Variants in RTN1 observed in about 807,000 individuals in gnomAD.
RTN1 encodes the protein reticulon 1.
In RTN1, 25 loss-of-function variants were observed where a neutral mutation model predicts 65.5. That is an observed-to-expected ratio of 0.38 (90% CI 0.28 to 0.53). The LOEUF is 0.53. Ranked by LOEUF, RTN1 falls within the 20% of genes least tolerant of loss-of-function variation. The pLI, the probability that RTN1 is intolerant of heterozygous loss-of-function variation, is 0.79. For missense variants in RTN1, 983 were observed against 1,025.4 expected (o/e 0.96, Z 0.57); for synonymous variants, 471 against 447.6 (o/e 1.05, Z -0.66).
intron 3 of RTN1, among the ~76,000 whole-genome samples, chr14:59,722,004 G>A (rs1047985175): frequency 2.0e-5 from 3 of 152,170 alleles, no homozygotes; most frequent in African/African-American, 7.2e-5. Flanking sequence ...AGATAAGAAA[G>A]ATATTCATAT....
intron 3 of RTN1, among the ~76,000 whole-genome samples, chr14:59,632,504 C>G (rs1473403229): frequency 1.3e-5 from 2 of 152,154 alleles, no homozygotes; most frequent in Non-Finnish European, 2.9e-5. Flanking sequence ...GCTGCCCTGG[C>G]TGCTTTTCAG....
chr14:59,809,332 T>C (rs1236147536), intron 1 of RTN1, among the ~76,000 whole-genome samples: 1 of 152,094 alleles, frequency 6.6e-6, no homozygotes, highest in Non-Finnish European at 1.5e-5. Context: ...GGCTTGCCAT[T>C]CCATGCATCC....
In RTN1 at chr14:59,760,218, G is replaced by T. The variant is rs550241013; in HGVS notation, c.242-13737C>A. Among the ~76,000 whole-genome samples, 92 of 152,280 alleles carry T rather than the reference G, an allele frequency of 6.0e-4. 1 individual carries two copies. The highest frequency in any genetic ancestry group is 1.4e-3 in the Admixed American group (22 of 15,294). On this transcript the variant is annotated intron_variant, in intron 1 of 8. Coordinates refer to ENST00000267484, the MANE Select transcript of RTN1 (RefSeq NM_021136.3). ...TTCCAGATAAATATTAAGTGAAAAA[G>T]TAAGTTGCAGAATATGTGTGTATAG...
chr14:59,657,215 C>G (rs1300379629), intron 3 of RTN1, among the ~76,000 whole-genome samples: 3 of 152,238 alleles, frequency 2.0e-5, no homozygotes, highest in African/African-American at 7.2e-5. Context: ...TAGAGACCAG[C>G]CTGGCCTACA....
At chr14:59,615,747 GATA>G (rs1181718337) in intron 3 of RTN1, among the ~76,000 whole-genome samples, 1 of 152,060 alleles carries the variant, frequency 6.6e-6, no homozygotes, top group Non-Finnish European at 1.5e-5. Context: ...AATGTTAAAA[GATA>G]ATAAAAAGGT....
chr14:59,680,347 A>G (rs1883719819), intron 3 of RTN1, among the ~76,000 whole-genome samples: 2 of 152,174 alleles, frequency 1.3e-5, no homozygotes, highest in African/African-American at 4.8e-5. Flanking sequence ...TCCAAGTGAA[A>G]CCATGCAAAA....
rs569320342 is a variant in RTN1 at position 59,710,622 on chromosome 14, C to A, written c.1765+16297G>T. Among the ~76,000 whole-genome samples the A allele has an allele frequency of 7.2e-5, 11 of 152,290 alleles. 1 individual carries two copies. Among genetic ancestry groups the A allele is most frequent in the Admixed American group, 2.0e-4 (3 of 15,294 alleles). ...TGGGGAACAAAGATGCTGAGTGCAC[C>A]AAAGGAGGTGGGCTGCCAACTGAGC... On this transcript the variant is annotated intron_variant, in intron 3 of 8. Transcript: ENST00000267484.
Position 59,790,612 on chromosome 14 carries a change from T to C in RTN1, c.242-44131A>G, listed in dbSNP as rs1306889584. 6.6e-6 allele frequency among the ~76,000 whole-genome samples: 1 copy of C among 152,226 alleles called. No homozygotes were observed. The highest frequency in any genetic ancestry group is 1.5e-5 in the Non-Finnish European group (1 of 68,034). ...CGTCAAAGCTTAACCAGAGAATATA[T>C]GTCTTGGCATTGAAGTTTCTGTATC... On this transcript the variant is annotated intron_variant, in intron 1 of 8. Transcript: ENST00000267484. The surrounding 1 kb of genome is among the most constrained non-coding windows in gnomAD (Gnocchi z 4.1).
intron 3 of RTN1, among the ~76,000 whole-genome samples, chr14:59,695,393 T>C (rs1884042586): frequency 6.6e-6 from 1 of 152,172 alleles, no homozygotes; most frequent in African/African-American, 2.4e-5. Context: ...GGGAACACGA[T>C]GTTCACTTAC....
chr14:59,795,472 A>C (rs1886422642), intron 1 of RTN1, among the ~76,000 whole-genome samples: 1 of 152,190 alleles, frequency 6.6e-6, no homozygotes, highest in Non-Finnish European at 1.5e-5. Context: ...AGGCCGAGGC[A>C]GGAGGATCAC....
chr14:59,814,242 T>C (rs1463005283), intron 1 of RTN1, among the ~76,000 whole-genome samples: 1 of 152,192 alleles, frequency 6.6e-6, no homozygotes, highest in Admixed American at 6.5e-5. Flanking sequence ...TCTAGGCACC[T>C]GGGGAATAAG....
intron 3 of RTN1, chr14:59,646,974 T>A (rs139409739): frequency 1.2e-3 from 187 of 154,210 alleles, no homozygotes; most frequent in African/African-American, 4.3e-3. Context: ...TTAACCAGCT[T>A]GTCACTCTGT....
At chr14:59,869,484 C>A (rs1182089703) in intron 1 of RTN1, among the ~76,000 whole-genome samples, 1 of 149,538 alleles carries the variant, frequency 6.7e-6, no homozygotes, top group Non-Finnish European at 1.5e-5. Flanking sequence ...GACCAGGATG[C>A]GCCAGGGGCC....
At chr14:59,640,708 C>T (rs1447619253) in intron 3 of RTN1, among the ~76,000 whole-genome samples, 2 of 151,916 alleles carry the variant, frequency 1.3e-5, no homozygotes, top group African/African-American at 2.4e-5. Flanking sequence ...GGTGCCATAG[C>T]CATGTCCCTT....
Position 59,841,525 on chromosome 14 carries a change from G to A in RTN1, c.241+28865C>T, listed in dbSNP as rs138622270. On this transcript the variant is annotated intron_variant, in intron 1 of 8. Transcript: ENST00000267484. ...AGCCTGGCCAACATGGTGAAACCCT[G>A]TCTCTACTAAAGAAAACACAAAAAT... Among the ~76,000 whole-genome samples, 89 of 151,730 alleles carry A rather than the reference G, an allele frequency of 5.9e-4. 2 individuals carry two copies. The East Asian group carries it at 0.017, about 29-fold the overall frequency.
intron 3 of RTN1, among the ~76,000 whole-genome samples, chr14:59,687,791 C>T (rs1414078548): frequency 1.3e-5 from 2 of 151,784 alleles, no homozygotes; most frequent in African/African-American, 4.8e-5. Context: ...CACTTCATGC[C>T]CAGGCAAATC....
intron 3 of RTN1, among the ~76,000 whole-genome samples, chr14:59,633,377 G>A (rs1594643870): frequency 6.6e-6 from 1 of 152,170 alleles, no homozygotes; most frequent in East Asian, 1.9e-4. Flanking sequence ...TAGCTACATG[G>A]CCTTCAGCAA....
intron 1 of RTN1, among the ~76,000 whole-genome samples, chr14:59,767,743 T>A (rs961285874): frequency 1.3e-5 from 2 of 152,182 alleles, no homozygotes; most frequent in Admixed American, 1.3e-4. Context: ...CTTTTAAAAT[T>A]TCCCTATGGT....
intron 3 of RTN1, among the ~76,000 whole-genome samples, chr14:59,616,218 G>A (rs1027316891): frequency 7.9e-5 from 12 of 152,072 alleles, no homozygotes; most frequent in Admixed American, 7.9e-4. Flanking sequence ...CAAAACTCCT[G>A]TTATTCTAAT....
Sources: gnomAD v4.1 joint callset for allele counts (sites outside exome capture counted in the v4.1 genomes callset) on GRCh38, gnomAD v4.1.1 for gene constraint, Gnocchi (gnomAD v3.1) non-coding constraint, MANE v1.5 for transcripts, NCBI Gene and HGNC (gene_info 2026-07-23, HGNC 2026-07-21) for gene names.